The following PTPRN2 variants were observed in gnomAD, a reference collection of about 807,000 sequenced individuals.
PTPRN2 encodes protein tyrosine phosphatase receptor type N2.
PTPRN2 carries 74 observed loss-of-function variants against 118.8 expected under a neutral mutation model. The observed-to-expected ratio is 0.62, with a 90% CI of 0.52 to 0.76. The LOEUF (loss-of-function observed/expected upper bound fraction) is 0.76, where lower values mean the gene tolerates loss of function less well. PTPRN2 is among the 30% of genes least tolerant of loss of function. PTPRN2 has a pLI of 0.00. For synonymous variants in PTPRN2, 641 were observed against 608.0 expected (o/e 1.05, Z -0.80); for missense variants, 1,481 against 1,394.4 (o/e 1.06, Z -0.99).
At chr7:158,344,064 T>C (rs1001712480) in intron 2 of PTPRN2, among the ~76,000 whole-genome samples, 4 of 151,970 alleles carry the variant, frequency 2.6e-5, no homozygotes, top group African/African-American at 9.7e-5. Flanking sequence ...CAGACCCCCA[T>C]ACGAGAGTGT....
At chr7:157,790,670 T>A (rs1322641256) in intron 12 of PTPRN2, among the ~76,000 whole-genome samples, 4 of 152,280 alleles carry the variant, frequency 2.6e-5, no homozygotes, top group Admixed American at 2.6e-4. Flanking sequence ...ATCTAAATAA[T>A]AAACAATTTA....
At chr7:157,822,211 C>A (rs1025854054) in intron 12 of PTPRN2, among the ~76,000 whole-genome samples, 1 of 151,922 alleles carries the variant, frequency 6.6e-6, no homozygotes, top group African/African-American at 2.4e-5. Context: ...CATCTATATA[C>A]GATCCATTAT....
rs967779106 is a variant in PTPRN2 at position 157,626,437 on chromosome 7, A to G, written c.2197-4928T>C. Among the ~76,000 whole-genome samples the G allele has an allele frequency of 3.9e-5, 6 of 152,168 alleles. No individual in the cohort carries two copies. In the East Asian group the frequency reaches 1.2e-3, roughly 29 times the overall value. On this transcript the variant is annotated intron_variant, in intron 14 of 22. Transcript: ENST00000389418. ...TTTTGTGCTGATTTTTCTGTAATGA[A>G]CCGACCCAGACTTCAAGGTGCAGTT...
At chr7:157,703,016 A>G (rs1394935932) in intron 12 of PTPRN2, among the ~76,000 whole-genome samples, 1 of 152,162 alleles carries the variant, frequency 6.6e-6, no homozygotes, top group Non-Finnish European at 1.5e-5. Flanking sequence ...TGAAGGGGAG[A>G]AAAGGAAGTA....
At chr7:158,305,565 T>C (rs1305424641) in intron 3 of PTPRN2, among the ~76,000 whole-genome samples, 2 of 152,174 alleles carry the variant, frequency 1.3e-5, no homozygotes, top group Non-Finnish European at 1.5e-5. Flanking sequence ...GAAGTGAAGC[T>C]GTCCCCAGCT....
intron 11 of PTPRN2, among the ~76,000 whole-genome samples, chr7:157,945,691 GGAC>G (rs1800438909): frequency 6.6e-6 from 1 of 150,694 alleles, no homozygotes; most frequent in Non-Finnish European, 1.5e-5. Flanking sequence ...CCTCCAGCTT[GGAC>G]GATGTCACCT....
chr7:158,130,662 CAT>C (rs2150422086), intron 9 of PTPRN2, among the ~76,000 whole-genome samples: 1 of 150,190 alleles, frequency 6.7e-6, no homozygotes, highest in African/African-American at 2.5e-5. Context: ...CTACCTGACT[CAT>C]ACACACACAC....
At chr7:158,152,602 C>T (rs1279802454) in intron 6 of PTPRN2, among the ~76,000 whole-genome samples, 1 of 152,166 alleles carries the variant, frequency 6.6e-6, no homozygotes, top group African/African-American at 2.4e-5. Context: ...GCTGGGGCTC[C>T]ATCTCCACAG....
At chr7:157,956,142 G>A (rs1801174379) in intron 11 of PTPRN2, among the ~76,000 whole-genome samples, 1 of 152,170 alleles carries the variant, frequency 6.6e-6, no homozygotes, top group African/African-American at 2.4e-5. Flanking sequence ...GCTGTTTGAT[G>A]AGAAAAGCCT....
At chr7:157,594,824 C>A (rs74681962) in intron 17 of PTPRN2, among the ~76,000 whole-genome samples, 1 of 152,182 alleles carries the variant, frequency 6.6e-6, no homozygotes, top group Non-Finnish European at 1.5e-5. Flanking sequence ...TAGAGAAGCA[C>A]GGCCTGGCCT....
intron 13 of PTPRN2, among the ~76,000 whole-genome samples, chr7:157,665,694 T>C (rs370043022): frequency 9.9e-5 from 15 of 152,266 alleles, no homozygotes; most frequent in East Asian, 3.8e-4. Flanking sequence ...CATATGTTTA[T>C]TGTGGCACTA....
At chr7:157,607,201 C>T (rs2150588965) in intron 15 of PTPRN2, among the ~76,000 whole-genome samples, 1 of 152,356 alleles carries the variant, frequency 6.6e-6, no homozygotes, top group South Asian at 2.1e-4. Context: ...CTGGTTGACT[C>T]TGACATCTGA....
At chr7:158,172,955 GCATCCCCACCAT>G (rs988624950) in intron 5 of PTPRN2, among the ~76,000 whole-genome samples, 1 of 134,876 alleles carries the variant, frequency 7.4e-6, no homozygotes, top group Non-Finnish European at 1.5e-5. Context: ...ATCAACAGCA[GCATCCCCACCAT>G]CATCATCACC....
At chr7:157,684,722 C>T (rs1369582585) in intron 12 of PTPRN2, among the ~76,000 whole-genome samples, 1 of 152,050 alleles carries the variant, frequency 6.6e-6, no homozygotes, top group East Asian at 1.9e-4. Context: ...CCCTCCCCGC[C>T]CCTCCCCGGG....
At chr7:158,151,125 C>T (rs1821032996) in intron 6 of PTPRN2, among the ~76,000 whole-genome samples, 2 of 117,132 alleles carry the variant, frequency 1.7e-5, no homozygotes, top group Non-Finnish European at 1.8e-5. Flanking sequence ...CCCCTGCCCA[C>T]ACCGCCCGCC....
intron 11 of PTPRN2, among the ~76,000 whole-genome samples, chr7:158,073,168 C>T (rs1812073968): frequency 1.3e-5 from 2 of 152,224 alleles, no homozygotes; most frequent in Non-Finnish European, 2.9e-5. Flanking sequence ...CATCTTTGCA[C>T]TCAGAACCAT....
intron 11 of PTPRN2, among the ~76,000 whole-genome samples, chr7:157,939,621 G>A (rs1227227992): frequency 6.6e-6 from 1 of 152,266 alleles, no homozygotes; most frequent in Non-Finnish European, 1.5e-5. Flanking sequence ...GAGGCCCTGA[G>A]GCCTCAACCC....
chr7:158,340,702 CA>C (rs1563175241), intron 2 of PTPRN2, among the ~76,000 whole-genome samples: 12 of 85,112 alleles, frequency 1.4e-4, no homozygotes, highest in African/African-American at 4.8e-4. Context: ...GTGAAACCTG[CA>C]GACGTCACTC....
rs572373992 is a variant in PTPRN2, at chr7:158,167,198, C to T, written c.643G>A (p.Asp215Asn). 6.2e-7 allele frequency: 1 copy of T among 1,613,722 alleles called. No homozygotes were observed. Among genetic ancestry groups the T allele is most frequent in the East Asian group, 2.2e-5 (1 of 44,854 alleles). The change falls in exon 6 of 23, where the codon GAC becomes AAC. Residue 215 changes from aspartate to asparagine, a missense_variant. By Grantham distance (23) the Asp-to-Asn change is conservative. Transcript: ENST00000389418. Reference sequence around the variant, plus strand: ...TGGCCGAGGGTCCGCGGCAGGAGGTCCTCGCGGAGCTGGGTCCGGGACCCG... The same window carrying T: ...TGGCCGAGGGTCCGCGGCAGGAGGTTCTCGCGGAGCTGGGTCCGGGACCCG... ...PPGSRTQLRE[D>N]LLPRTLGQLQ...
Sources: gnomAD v4.1 joint callset for allele counts (sites outside exome capture counted in the v4.1 genomes callset) on GRCh38, gnomAD v4.1.1 for gene constraint, MANE v1.5 for transcripts, NCBI Gene and HGNC (gene_info 2026-07-23, HGNC 2026-07-21) for gene names.